The following LRRC56 variants were observed in gnomAD, a reference collection of about 807,000 sequenced individuals.
LRRC56 encodes leucine rich repeat containing 56, also known as leucine-rich repeat-containing protein 56.
In LRRC56, 41 loss-of-function variants were observed where a neutral mutation model predicts 47.8. That is an observed-to-expected ratio of 0.86 (90% CI 0.67 to 1.11). The LOEUF is 1.11. Ranked by LOEUF, LRRC56 falls within the 50% of genes most tolerant of loss-of-function variation. LRRC56 has a pLI of 0.00. For missense variants in LRRC56, 759 were observed against 704.2 expected (o/e 1.08, Z -0.88); for synonymous variants, 387 against 311.2 (o/e 1.24, Z -2.56).
In LRRC56 at chr11:541,686, A is replaced by C; in HGVS notation, c.265+62A>C. 9.6e-7 allele frequency: 1 copy of C among 1,041,768 alleles called. No individual in the cohort carries two copies. The highest frequency in any genetic ancestry group is 1.4e-6 in the Non-Finnish European group (1 of 714,630). The allele number at this position is 1,041,768 out of a possible 1,614,324, so 64.5% of individuals were successfully genotyped here. ...GGCCACGCCTCCCTGTAAACAACAC[A>C]CGTTTCCTGGTTATGACGACAAAGC... On this transcript the variant is annotated intron_variant, in intron 5 of 13. Transcript: ENST00000270115. The surrounding 1 kb of genome is among the most constrained non-coding windows in gnomAD (Gnocchi z 4.1).
At chr11:512,103 C>G in the LRRC56 span, among the ~76,000 whole-genome samples, 1 of 151,382 alleles carries the variant, frequency 6.6e-6, no homozygotes, top group African/African-American at 2.4e-5. Flanking sequence ...GCCACCACAC[C>G]CAGCTAATTT....
the LRRC56 span, among the ~76,000 whole-genome samples, chr11:517,401 G>A: frequency 2.0e-5 from 3 of 150,438 alleles, no homozygotes; most frequent in African/African-American, 4.9e-5. Flanking sequence ...GGTGGGGGGC[G>A]CCTCTGCCTG....
chr11:543,303 C>T (rs1357426027), intron 5 of LRRC56, among the ~76,000 whole-genome samples: 1 of 151,962 alleles, frequency 6.6e-6, no homozygotes, highest in African/African-American at 2.4e-5. Context: ...CAACCTCAGC[C>T]TCTTGAATTC....
chr11:540,550 G>C (rs1851739309), intron 3 of LRRC56, 124 bp from the exon 4 acceptor site: 2 of 745,340 alleles, frequency 2.7e-6, no homozygotes, highest in East Asian at 5.9e-5. Context: ...GCTCGGGGTG[G>C]GGGTGGGTGC....
At chr11:542,394 T>G (rs1262641009) in intron 5 of LRRC56, among the ~76,000 whole-genome samples, 1 of 152,000 alleles carries the variant, frequency 6.6e-6, no homozygotes, top group Non-Finnish European at 1.5e-5. Flanking sequence ...ATGGATCACT[T>G]GAGCCCAGGA....
At chr11:550,584 A>G (rs1194701139) in intron 8 of LRRC56, among the ~76,000 whole-genome samples, 1 of 152,140 alleles carries the variant, frequency 6.6e-6, no homozygotes, top group African/African-American at 2.4e-5. Flanking sequence ...ATGTGTGCAC[A>G]CACACACCTG....
intron 6 of LRRC56, among the ~76,000 whole-genome samples, chr11:548,854 G>T (rs1052446496): frequency 3.9e-4 from 60 of 152,218 alleles, no homozygotes; most frequent in African/African-American, 1.4e-3. Context: ...CTGGGAAGAG[G>T]CGTGAACTGA....
chr11:508,455 G>A, the LRRC56 span, among the ~76,000 whole-genome samples: 2 of 152,198 alleles, frequency 1.3e-5, no homozygotes, highest in Non-Finnish European at 2.9e-5. Flanking sequence ...CACTACACCC[G>A]GCCTGATCAT....
chr11:522,692 C>A, the LRRC56 span, among the ~76,000 whole-genome samples: 9 of 152,190 alleles, frequency 5.9e-5, no homozygotes, highest in Admixed American at 5.9e-4. Context: ...GGCCACCTCA[C>A]CTGCCCTTTT....
At chr11:539,065 G>A (rs1476190851) in intron 2 of LRRC56, among the ~76,000 whole-genome samples, 1 of 152,204 alleles carries the variant, frequency 6.6e-6, no homozygotes, top group African/African-American at 2.4e-5. Context: ...GGCCGAGGCA[G>A]ATGTCTGCAT....
At chr11:525,125 C>T in the LRRC56 span, among the ~76,000 whole-genome samples, 3 of 141,018 alleles carry the variant, frequency 2.1e-5, no homozygotes, top group Non-Finnish European at 4.6e-5. Flanking sequence ...AACTTGGGGC[C>T]GGGCGCGGTG....
intron 13 of LRRC56, among the ~76,000 whole-genome samples, chr11:553,321 C>T (rs1156960522): frequency 1.3e-5 from 2 of 152,150 alleles, no homozygotes; most frequent in African/African-American, 4.8e-5. Context: ...CCACGGTGGG[C>T]AGCTGACCCT....
At chr11:508,814 C>T in the LRRC56 span, among the ~76,000 whole-genome samples, 111 of 144,512 alleles carry the variant, frequency 7.7e-4, no homozygotes, top group East Asian at 0.021. Context: ...GAGGCCAAGG[C>T]AGGCAGATCA....
chr11:511,905 A>G, the LRRC56 span, among the ~76,000 whole-genome samples: 2 of 152,176 alleles, frequency 1.3e-5, no homozygotes, highest in South Asian at 2.1e-4. Flanking sequence ...GCGGCAGAGC[A>G]TGAGAGGTCT....
At chr11:533,993 G>T (rs769271828), upstream of LRRC56, 10 of 1,580,248 alleles carry the variant, frequency 6.3e-6, no homozygotes, top group South Asian at 1.1e-5. Context: ...TCCGTGGGGG[G>T]AGTTCACACA....
At chr11:545,422 C>G (rs1317619444) in intron 6 of LRRC56, among the ~76,000 whole-genome samples, 1 of 152,162 alleles carries the variant, frequency 6.6e-6, no homozygotes, top group East Asian at 1.9e-4. Context: ...ACGGCAACCA[C>G]CAGCCAGAAC....
chr11:546,524 C>T (rs1400968350), intron 6 of LRRC56, among the ~76,000 whole-genome samples: 7 of 151,368 alleles, frequency 4.6e-5, no homozygotes, highest in Admixed American at 1.3e-4. Flanking sequence ...GCCAAGATCG[C>T]ACCACTAAAC....
chr11:533,954 G>A (rs727503092), upstream of LRRC56: 14 of 1,609,066 alleles, frequency 8.7e-6, no homozygotes, highest in East Asian at 4.5e-5. Flanking sequence ...CCTGCAGGAG[G>A]ACAGGGCTCA....
At chr11:518,433 G>A in the LRRC56 span, among the ~76,000 whole-genome samples, 2 of 152,158 alleles carry the variant, frequency 1.3e-5, no homozygotes, top group South Asian at 4.1e-4. Context: ...CACCCGCCTC[G>A]GCCTCGCAAA....
Sources: allele counts gnomAD v4.1 joint callset (sites outside exome capture counted in the v4.1 genomes callset), GRCh38; gene constraint gnomAD v4.1.1; non-coding constraint Gnocchi (gnomAD v3.1); transcripts MANE v1.5; gene names NCBI Gene and HGNC (gene_info 2026-07-23, HGNC 2026-07-21).